DTNA: variants seen among roughly 807,000 people sequenced by gnomAD.
DTNA encodes dystrophin-related protein 3.
DTNA carries 43 observed loss-of-function variants against 100.7 expected under a neutral mutation model. The ratio of observed to expected loss-of-function variants is 0.43; its 90% CI spans 0.33 to 0.55. The LOEUF (loss-of-function observed/expected upper bound fraction) is 0.55, where lower values mean the gene tolerates loss of function less well. Ranked by LOEUF, DTNA falls within the 20% of genes least tolerant of loss-of-function variation. DTNA has a pLI of 0.04. For synonymous variants in DTNA, 349 were observed against 347.9 expected, an observed-to-expected ratio of 1.00 and a Z score of -0.04; for missense variants, 798 against 953.9, an observed-to-expected ratio of 0.84 and a Z score of 2.15.
chr18:34,830,322 T>C (rs1261458558), intron 11 of DTNA, among the ~76,000 whole-genome samples: 2 of 152,008 alleles, frequency 1.3e-5, no homozygotes, highest in Non-Finnish European at 2.9e-5. Context: ...GTTTAGTCTT[T>C]TGTATCATGA....
At chr18:34,704,015 C>T (rs534940462) in intron 1 of DTNA, among the ~76,000 whole-genome samples, 4 of 152,102 alleles carry the variant, frequency 2.6e-5, no homozygotes, top group African/African-American at 9.7e-5. Flanking sequence ...TTTGTTTTAC[C>T]ATAATAATTT....
At chr18:34,611,540 A>C (rs2054208694) in intron 1 of DTNA, among the ~76,000 whole-genome samples, 1 of 152,200 alleles carries the variant, frequency 6.6e-6, no homozygotes, top group African/African-American at 2.4e-5. Flanking sequence ...TGTAACTGTG[A>C]AAAGTGGCAC....
At chr18:34,744,411 T>C (rs2091234426) in intron 1 of DTNA, among the ~76,000 whole-genome samples, 1 of 152,160 alleles carries the variant, frequency 6.6e-6, no homozygotes, top group South Asian at 2.1e-4. Context: ...AGGAACTCTA[T>C]TGGTATTTCT....
intron 1 of DTNA, among the ~76,000 whole-genome samples, chr18:34,699,949 A>G (rs2081138885): frequency 6.6e-6 from 1 of 152,222 alleles, no homozygotes; most frequent in Non-Finnish European, 1.5e-5. Flanking sequence ...GGTTATACTC[A>G]GGACCCTGTC....
chr18:34,826,617 A>T (rs553738153), intron 9 of DTNA, among the ~76,000 whole-genome samples: 21 of 152,320 alleles, frequency 1.4e-4, no homozygotes, highest in African/African-American at 4.8e-4. Context: ...TTAATGTCTC[A>T]TCTTCAAAAC....
intron 1 of DTNA, among the ~76,000 whole-genome samples, chr18:34,614,363 A>G (rs1054230997): frequency 2.0e-5 from 3 of 152,212 alleles, no homozygotes; most frequent in African/African-American, 7.2e-5. Flanking sequence ...ACCATAGATC[A>G]AGAGTAATTT....
At chr18:34,607,918 T>G (rs2579808) in intron 1 of DTNA, among the ~76,000 whole-genome samples, 1 of 152,056 alleles carries the variant, frequency 6.6e-6, no homozygotes, top group Non-Finnish European at 1.5e-5. Flanking sequence ...GGCTTTCTAC[T>G]GATGGCTCTG....
chr18:34,523,998 T>C (rs1243571109), intron 1 of DTNA, among the ~76,000 whole-genome samples: 1 of 152,052 alleles, frequency 6.6e-6, no homozygotes, highest in African/African-American at 2.4e-5. Flanking sequence ...GGTAAAGTCC[T>C]CTAGGGATTT....
chr18:34,673,735 T>A (rs1274660069), intron 1 of DTNA, among the ~76,000 whole-genome samples: 1 of 152,216 alleles, frequency 6.6e-6, no homozygotes, highest in Non-Finnish European at 1.5e-5. Flanking sequence ...TGAAGGTATA[T>A]ATTTTTTTCC....
At chr18:34,755,938 G>C (rs370077948) in intron 1 of DTNA, 38 bp from the exon 2 acceptor site, 4 of 1,573,576 alleles carry the variant, frequency 2.5e-6, no homozygotes, top group Middle Eastern at 1.7e-4. Flanking sequence ...CCTCAATAGC[G>C]TGAGGATAAT....
intron 3 of DTNA, among the ~76,000 whole-genome samples, chr18:34,790,512 A>G (rs2148969792): frequency 6.9e-6 from 1 of 144,084 alleles, no homozygotes; most frequent in South Asian, 2.2e-4. Flanking sequence ...TAGATTTCAA[A>G]TTAATGGGAA....
chr18:34,518,189 G>C (rs1174907426), intron 1 of DTNA, among the ~76,000 whole-genome samples: 1 of 152,090 alleles, frequency 6.6e-6, no homozygotes, highest in East Asian at 1.9e-4. Context: ...TAACGATGTT[G>C]AACATCTTTT....
intron 4 of DTNA, 31 bp from the exon 5 acceptor site, chr18:34,806,187 GT>G (rs1266024177): frequency 6.3e-7 from 1 of 1,594,434 alleles, no homozygotes; most frequent in Non-Finnish European, 8.6e-7. Flanking sequence ...TTTTGTTTTT[GT>G]TTTTGTTTTT....
At chr18:34,534,492 T>G (rs1486662053) in intron 1 of DTNA, among the ~76,000 whole-genome samples, 12 of 152,018 alleles carry the variant, frequency 7.9e-5, no homozygotes, top group African/African-American at 2.9e-4. Flanking sequence ...TATTTTTTTT[T>G]AACTTTAAGT....
intron 16 of DTNA, among the ~76,000 whole-genome samples, chr18:34,862,938 C>A (rs2096647956): frequency 6.6e-6 from 1 of 152,222 alleles, no homozygotes; most frequent in South Asian, 2.1e-4. Flanking sequence ...TTGCAGAGTT[C>A]TTGTCATAGT....
chr18:34,887,707 A>G (rs2096935590), intron 22 of DTNA, 59 bp from the exon 23 acceptor site: 1 of 985,142 alleles, frequency 1.0e-6, no homozygotes, highest in Non-Finnish European at 1.2e-6. Context: ...TAAGTTTCAT[A>G]ACCCTAATTT....
chr18:34,807,006 A>T (rs1272159172), intron 5 of DTNA, among the ~76,000 whole-genome samples: 1 of 152,140 alleles, frequency 6.6e-6, no homozygotes, highest in Non-Finnish European at 1.5e-5. Flanking sequence ...TTGAACCCTG[A>T]CTTTTTTTTC....
In DTNA at chr18:34,877,729, A is replaced by G. The variant is rs755154833; in HGVS notation, c.1914A>G (p.Arg638=). The G allele has an allele frequency of 6.2e-7, 1 of 1,613,820 alleles. No individual in the cohort carries two copies. The highest frequency in any genetic ancestry group is 8.5e-7 in the Non-Finnish European group (1 of 1,179,856). ...TCTTCTTCCCTGAAGGTTCAAGAAG[A>G]AACTTAAGGAATGACTTGCTAGTGG... is the stretch of plus-strand genomic sequence containing the variant. ...VQEAFAQSSR[R]NLRNDLLVAA... The change falls in exon 19 of 23, where the codon AGA becomes AGG. Residue 638 remains arginine, a synonymous_variant. Transcript: ENST00000444659.
chr18:34,704,490 G>A (rs1049166565), intron 1 of DTNA, among the ~76,000 whole-genome samples: 1 of 152,166 alleles, frequency 6.6e-6, no homozygotes, highest in Non-Finnish European at 1.5e-5. Flanking sequence ...GACACTGACT[G>A]GGTGATTTTT....
Sources: allele counts gnomAD v4.1 joint callset (sites outside exome capture counted in the v4.1 genomes callset), GRCh38; gene constraint gnomAD v4.1.1; transcripts MANE v1.5; gene names NCBI Gene and HGNC (gene_info 2026-07-23, HGNC 2026-07-21).